The following LRP1B variants were observed in gnomAD, a reference collection of about 807,000 sequenced individuals.
The protein encoded by LRP1B is low-density lipoprotein receptor-related protein 1B.
A neutral mutation model predicts 556.6 loss-of-function variants in LRP1B; 217 were observed. The observed-to-expected ratio is 0.39, with a 90% CI of 0.35 to 0.44. The LOEUF is 0.44. Ranked by LOEUF, LRP1B falls within the 20% of genes least tolerant of loss-of-function variation. LRP1B has a pLI of 1.00. For missense variants in LRP1B, 5,053 were observed against 5,620.8 expected (o/e 0.90, Z 3.23); for synonymous variants, 2,047 against 1,865.8 (o/e 1.10, Z -2.50).
At chr2:140,759,931 T>C (rs1573678152) in intron 35 of LRP1B, among the ~76,000 whole-genome samples, 1 of 152,158 alleles carries the variant, frequency 6.6e-6, no homozygotes, top group African/African-American at 2.4e-5. Flanking sequence ...CTTTTATTAA[T>C]CAAAGAGCTA....
chr2:141,052,471 A>G (rs939758282), intron 10 of LRP1B, among the ~76,000 whole-genome samples: 1 of 152,048 alleles, frequency 6.6e-6, no homozygotes, highest in Non-Finnish European at 1.5e-5. Context: ...GCAACATAAT[A>G]TAGTCGGCTG....
chr2:140,981,653 A>G (rs1019911659), intron 18 of LRP1B, among the ~76,000 whole-genome samples: 1 of 152,184 alleles, frequency 6.6e-6, no homozygotes, highest in Non-Finnish European at 1.5e-5. Flanking sequence ...ATCTTAAACT[A>G]ATATTGAGTT....
intron 2 of LRP1B, among the ~76,000 whole-genome samples, chr2:141,587,408 A>T (rs758357863): frequency 2.6e-5 from 4 of 152,226 alleles, no homozygotes; most frequent in Non-Finnish European, 5.9e-5. Context: ...GTGCTTCTGT[A>T]ACTTTTTCTT....
intron 7 of LRP1B, among the ~76,000 whole-genome samples, chr2:141,165,729 G>A (rs1290860398): frequency 6.6e-6 from 1 of 151,942 alleles, no homozygotes; most frequent in African/African-American, 2.4e-5. Context: ...AAAGTTCTGT[G>A]TAATTTTTAG....
intron 29 of LRP1B, among the ~76,000 whole-genome samples, chr2:140,843,056 GTTTTTTTTTTGT>G (rs1692158411): frequency 3.2e-4 from 9 of 28,054 alleles, no homozygotes; most frequent in Non-Finnish European, 5.1e-4. Context: ...CTCCAAAGTG[GTTTTTTTTTTGT>G]TTTTTTTTTT....
At chr2:141,981,554 G>A (rs1702042850) in intron 1 of LRP1B, among the ~76,000 whole-genome samples, 1 of 152,084 alleles carries the variant, frequency 6.6e-6, no homozygotes, top group African/African-American at 2.4e-5. Flanking sequence ...CTGTGTTCGA[G>A]ATTATAAGCA....
At chr2:141,641,995 AC>A (rs201409208) in intron 2 of LRP1B, among the ~76,000 whole-genome samples, 6,073 of 152,148 alleles carry the variant, frequency 0.04, 165 homozygotes, top group South Asian at 0.085. Flanking sequence ...AAACAAACAA[AC>A]AAACAAACAA....
At chr2:141,895,181 G>T (rs1388610405) in intron 1 of LRP1B, among the ~76,000 whole-genome samples, 1 of 151,798 alleles carries the variant, frequency 6.6e-6, no homozygotes, top group African/African-American at 2.4e-5. Context: ...CATTTAGCAA[G>T]AAAATATAGG....
In LRP1B at chr2:140,655,216, A is replaced by G. The variant is rs145232470; in HGVS notation, c.6799+45034T>C. On this transcript the variant is annotated intron_variant, in intron 41 of 90. Coordinates refer to ENST00000389484, the MANE Select transcript of LRP1B (RefSeq NM_018557.3). ...TAAAATTTACCAATTCATCAGTAAA[A>G]CAAGCTTTTTAAAAATTTATTCTCA... Among the ~76,000 whole-genome samples, 544 of 152,220 alleles carry G rather than the reference A, an allele frequency of 3.6e-3. 2 individuals are homozygous for G. The highest frequency in any genetic ancestry group is 0.013 in the African/African-American group (524 of 41,546).
At chr2:141,345,958 G>C (rs982544381) in intron 3 of LRP1B, among the ~76,000 whole-genome samples, 1 of 151,654 alleles carries the variant, frequency 6.6e-6, no homozygotes, top group African/African-American at 2.4e-5. Context: ...CCAACCCCCA[G>C]TTTGAATATT....
At chr2:140,942,819 G>A (rs767981861) in intron 20 of LRP1B, among the ~76,000 whole-genome samples, 6 of 152,022 alleles carry the variant, frequency 3.9e-5, no homozygotes, top group Non-Finnish European at 8.8e-5. Context: ...AATAATACTT[G>A]CCACTACAAA....
At chr2:141,212,653 T>G (rs1395000290) in intron 6 of LRP1B, among the ~76,000 whole-genome samples, 1 of 151,956 alleles carries the variant, frequency 6.6e-6, no homozygotes, top group Non-Finnish European at 1.5e-5. Context: ...TGGGGAAAGA[T>G]GTAGGTGATG....
At chr2:141,562,745 T>A (rs1006393548) in intron 2 of LRP1B, among the ~76,000 whole-genome samples, 1 of 151,914 alleles carries the variant, frequency 6.6e-6, no homozygotes, top group Non-Finnish European at 1.5e-5. Context: ...ACCTAGGTCA[T>A]AAGGAAAATG....
chr2:141,553,914 A>C (rs1342691706), intron 2 of LRP1B, among the ~76,000 whole-genome samples: 1 of 122,514 alleles, frequency 8.2e-6, no homozygotes, highest in Non-Finnish European at 1.8e-5. Flanking sequence ...ATAGTTATAT[A>C]ATATATCTAT....
intron 1 of LRP1B, among the ~76,000 whole-genome samples, chr2:141,866,153 C>T (rs915640550): frequency 1.3e-5 from 2 of 152,156 alleles, no homozygotes; most frequent in Non-Finnish European, 2.9e-5. Flanking sequence ...TCAAGAAGCT[C>T]CAGATATGCT....
At chr2:140,440,278 G>A (rs1686368818) in intron 66 of LRP1B, among the ~76,000 whole-genome samples, 1 of 152,086 alleles carries the variant, frequency 6.6e-6, no homozygotes, top group Admixed American at 6.6e-5. Context: ...CCTGCAAGAG[G>A]GAATAGGTTA....
chr2:140,574,476 C>T (rs1574094927), intron 43 of LRP1B, among the ~76,000 whole-genome samples: 2 of 152,226 alleles, frequency 1.3e-5, no homozygotes, highest in East Asian at 3.9e-4. Flanking sequence ...AAAAAATATC[C>T]ATAACTTAGT....
chr2:141,722,831 G>A (rs1239309641), intron 2 of LRP1B, among the ~76,000 whole-genome samples: 1 of 151,968 alleles, frequency 6.6e-6, no homozygotes, highest in African/African-American at 2.4e-5. Context: ...TGGTATTATT[G>A]GCTTGTTTCT....
At chr2:140,435,206 A>C (rs1423133437) in intron 66 of LRP1B, among the ~76,000 whole-genome samples, 1 of 152,202 alleles carries the variant, frequency 6.6e-6, no homozygotes, top group Non-Finnish European at 1.5e-5. Context: ...AGGCCAAAAG[A>C]GGTAGAACTT....
Sources: allele counts gnomAD v4.1 joint callset (sites outside exome capture counted in the v4.1 genomes callset), GRCh38; gene constraint gnomAD v4.1.1; transcripts MANE v1.5; gene names NCBI Gene and HGNC (gene_info 2026-07-23, HGNC 2026-07-21).